Variants in PKHD1 observed in about 807,000 individuals in gnomAD.
PKHD1 encodes the protein PKHD1 ciliary IPT domain containing fibrocystin/polyductin.
In PKHD1, 291 loss-of-function variants were observed where a neutral mutation model predicts 412.0. That is an observed-to-expected ratio of 0.71 (90% CI 0.64 to 0.78). The LOEUF (loss-of-function observed/expected upper bound fraction) is 0.78, where lower values mean the gene tolerates loss of function less well. Ranked by LOEUF, PKHD1 falls within the 30% of genes least tolerant of loss-of-function variation. The pLI is 0.00. For synonymous variants in PKHD1, 1,777 were observed against 1,821.5 expected (o/e 0.98, Z 0.62); for missense variants, 4,825 against 4,950.7 (o/e 0.97, Z 0.76).
chr6:52,011,091 C>G (rs1799760610), intron 34 of PKHD1, among the ~76,000 whole-genome samples: 3 of 152,108 alleles, frequency 2.0e-5, no homozygotes, highest in Admixed American at 2.0e-4. Flanking sequence ...TAAGGAGATT[C>G]AATATATGTG....
chr6:51,745,445 T>C (rs948538515), intron 59 of PKHD1, among the ~76,000 whole-genome samples: 2 of 152,132 alleles, frequency 1.3e-5, no homozygotes, highest in Non-Finnish European at 2.9e-5. Flanking sequence ...CTCTGGAAGA[T>C]GCACGAACAA....
At position 51,856,038 on chromosome 6, in the gene PKHD1, G is replaced by A; in HGVS notation, c.7766C>T (p.Thr2589Ile). The change falls in exon 49 of 67, where the codon ACC (threonine) becomes ATC (isoleucine). Residue 2589 changes from threonine to isoleucine, a missense_variant. Coordinates refer to ENST00000371117, the MANE Select transcript of PKHD1 (RefSeq NM_138694.4). ...ANTPEVSYDL[T>I]MTDSRNKTTT... ...TGTTTTATTTCTGCTGTCAGTCATG[G>A]TTAAATCATAAGAAACTTCAGGAGT... The A allele has an allele frequency of 6.2e-7, 1 of 1,607,606 alleles. No individual in the cohort carries two copies. The highest frequency in any genetic ancestry group is 8.5e-7 in the Non-Finnish European group (1 of 1,174,312).
At chr6:52,069,617 C>G in intron 10 of PKHD1, 90 bp from the exon 11 acceptor site, 1 of 907,502 alleles carries the variant, frequency 1.1e-6, no homozygotes, top group Non-Finnish European at 1.9e-6. Flanking sequence ...AGATTGGGAA[C>G]TAACCTCTAT....
Position 52,069,532 on chromosome 6 carries a change from G to A in PKHD1, c.708-5C>T, listed in dbSNP as rs371844893. On this transcript the variant is annotated splice_region_variant and splice_polypyrimidine_tract_variant and intron_variant, in intron 10 of 66. Coordinates refer to ENST00000371117, the MANE Select transcript of PKHD1 (RefSeq NM_138694.4). The stretch of plus-strand genomic sequence containing the variant: ...GCCTTCTTGTGGACCATTGACCTTC[G>A]AAAAAGACAAAGTTCTGTTTTGAAT... 6.8e-5 allele frequency: 109 copies of A among 1,609,574 alleles called. No homozygotes were observed. Among genetic ancestry groups the A allele is most frequent in the Non-Finnish European group, 8.1e-5 (95 of 1,175,950 alleles).
In PKHD1 at chr6:51,847,970, A is replaced by T. The variant is rs749431123; in HGVS notation, c.7912T>A (p.Tyr2638Asn). Residue 2638 changes from tyrosine (Y) to asparagine (N), a missense_variant and splice_region_variant, in exon 50 of 67, where the codon TAC (tyrosine) becomes AAC (asparagine). By Grantham distance (143) the Tyr-to-Asn change is moderately radical. Coordinates refer to ENST00000371117, the MANE Select transcript of PKHD1 (RefSeq NM_138694.4). Reference sequence around the variant, plus strand: ...GCAAAGTTGTCAAAGGTTGCTGAGTACTTGAAGTGAAAGAAAAACACAATA... The same window carrying T: ...GCAAAGTTGTCAAAGGTTGCTGAGTTCTTGAAGTGAAAGAAAAACACAATA... ...ENLWINRSLQ[Y>N]SATFDNFAPG... 5.0e-6 allele frequency: 8 copies of T among 1,610,676 alleles called. No homozygotes were observed. In the South Asian group the frequency reaches 6.6e-5, roughly 13 times the overall value.
At position 52,035,648 on chromosome 6, in the gene PKHD1, A is replaced by G. The variant is rs745329565; in HGVS notation, c.3171T>C (p.Cys1057=). ...VSLILFGSYS[C]AINVATSNSS... is the part of the protein sequence containing the mutation. Reference sequence around the variant, plus strand: ...AATTGCTTGTAGCGACATTGATGGCACACGAGTAAGATCCAAATAATATCA... The same window carrying G: ...AATTGCTTGTAGCGACATTGATGGCGCACGAGTAAGATCCAAATAATATCA... The change falls in exon 28 of 67, where the codon TGT becomes TGC. Residue 1057 remains cysteine (C), a synonymous_variant. Coordinates refer to ENST00000371117, the MANE Select transcript of PKHD1 (RefSeq NM_138694.4). The G allele has an allele frequency of 1.2e-5, 19 of 1,613,876 alleles. No homozygotes were observed. The highest frequency in any genetic ancestry group is 1.4e-5 in the Non-Finnish European group (17 of 1,179,874).
intron 37 of PKHD1, among the ~76,000 whole-genome samples, chr6:51,931,147 T>G (rs149964221): frequency 9.0e-4 from 137 of 152,080 alleles, no homozygotes; most frequent in Non-Finnish European, 1.7e-3. Context: ...CTTGAACCAG[T>G]GTTTCTCTGA....
chr6:51,726,947 A>G (rs1236361015), intron 60 of PKHD1, among the ~76,000 whole-genome samples: 1 of 152,214 alleles, frequency 6.6e-6, no homozygotes, highest in African/African-American at 2.4e-5. Context: ...TATAAACCTT[A>G]GAAGCAGAGA....
chr6:51,963,401 CT>C (rs1792355743), intron 35 of PKHD1, among the ~76,000 whole-genome samples: 2 of 152,196 alleles, frequency 1.3e-5, no homozygotes, highest in South Asian at 4.1e-4. Flanking sequence ...ACAAAGATAT[CT>C]TGAGATGTAT....
intron 37 of PKHD1, among the ~76,000 whole-genome samples, chr6:51,913,408 T>C (rs1222361670): frequency 6.6e-6 from 1 of 152,056 alleles, no homozygotes; most frequent in Non-Finnish European, 1.5e-5. Context: ...CATACCAGCA[T>C]GCTAATCTCT....
At position 51,855,989 on chromosome 6, in the gene PKHD1, A is replaced by G. The variant is rs1244075083; in HGVS notation, c.7815T>C (p.Asp2605=). ...NKTTTVNYVR[D]TLSNPRGWMA... Reference sequence around the variant, plus strand: ...TCCAGCCACGAGGGTTAGACAATGTATCACGTACATAATTGACAGTGGTTG... The same window carrying G: ...TCCAGCCACGAGGGTTAGACAATGTGTCACGTACATAATTGACAGTGGTTG... The change falls in exon 49 of 67, where the codon GAT becomes GAC. Residue 2605 remains aspartate, a synonymous_variant. Coordinates refer to ENST00000371117, the MANE Select transcript of PKHD1 (RefSeq NM_138694.4). 3 of 1,609,694 alleles carry G rather than the reference A, an allele frequency of 1.9e-6. No homozygotes were observed. The highest frequency in any genetic ancestry group is 1.7e-6 in the Non-Finnish European group (2 of 1,175,976).
intron 6 of PKHD1, 132 bp from the exon 7 acceptor site, chr6:52,073,673 T>A (rs1810965348): frequency 1.3e-5 from 9 of 680,050 alleles, no homozygotes; most frequent in Non-Finnish European, 2.4e-5. Flanking sequence ...ATTAATACTT[T>A]TAATAAATTG....
intron 54 of PKHD1, among the ~76,000 whole-genome samples, chr6:51,774,955 A>G (rs2151153704): frequency 6.6e-6 from 1 of 151,754 alleles, no homozygotes; most frequent in South Asian, 2.1e-4. Context: ...TAAGTTCACT[A>G]TATTTTATTA....
At chr6:52,002,427 T>C (rs1798540427) in intron 35 of PKHD1, among the ~76,000 whole-genome samples, 1 of 152,228 alleles carries the variant, frequency 6.6e-6, no homozygotes, top group Non-Finnish European at 1.5e-5. Context: ...ACTGTCTGCC[T>C]TTCCAGCTTC....
intron 47 of PKHD1, among the ~76,000 whole-genome samples, chr6:51,869,855 TG>T (rs1292127382): frequency 6.6e-6 from 1 of 152,148 alleles, no homozygotes; most frequent in African/African-American, 2.4e-5. Context: ...TCTAAATTGG[TG>T]ATTCAAACCA....
intron 60 of PKHD1, among the ~76,000 whole-genome samples, chr6:51,723,807 G>C (rs571797295): frequency 6.6e-6 from 1 of 152,150 alleles, no homozygotes; most frequent in Non-Finnish European, 1.5e-5. Context: ...GACAGAGAGA[G>C]AGTTTGGGTA....
chr6:51,988,572 G>A (rs1310586293), intron 35 of PKHD1, among the ~76,000 whole-genome samples: 3 of 152,138 alleles, frequency 2.0e-5, no homozygotes, highest in South Asian at 2.1e-4. Context: ...TTTTCTATGC[G>A]AGCCTTTTGG....
intron 37 of PKHD1, among the ~76,000 whole-genome samples, chr6:51,919,520 TG>T (rs1417625809): frequency 1.3e-5 from 2 of 152,230 alleles, no homozygotes; most frequent in Non-Finnish European, 2.9e-5. Flanking sequence ...CATGCTGTTT[TG>T]GTTACTGTTG....
chr6:51,694,548 CTTTTTTTTTTT>C (rs67157925), intron 60 of PKHD1, among the ~76,000 whole-genome samples: 1 of 37,690 alleles, frequency 2.7e-5, no homozygotes, highest in South Asian at 1.7e-3. Context: ...CACAACCAGC[CTTTTTTTTTTT>C]TTTTTTTTTT....
Sources: gnomAD v4.1 joint callset for allele counts (sites outside exome capture counted in the v4.1 genomes callset) on GRCh38, gnomAD v4.1.1 for gene constraint, MANE v1.5 for transcripts, NCBI Gene and HGNC (gene_info 2026-07-23, HGNC 2026-07-21) for gene names.